N4BP1: variants seen among roughly 807,000 people sequenced by gnomAD.
N4BP1 encodes NEDD4-binding protein 1.
A neutral mutation model predicts 70.9 loss-of-function variants in N4BP1; 21 were observed. That is an observed-to-expected ratio of 0.30 (90% CI 0.21 to 0.43). The LOEUF is 0.43. Ranked by LOEUF, N4BP1 falls within the 20% of genes least tolerant of loss-of-function variation. N4BP1 has a pLI of 1.00. For missense variants in N4BP1, 936 were observed against 1,069.4 expected (o/e 0.88, Z 1.74); for synonymous variants, 387 against 394.6 (o/e 0.98, Z 0.23).
chr16:48,548,994 A>G (rs1282689589), intron 4 of N4BP1, among the ~76,000 whole-genome samples: 1 of 152,230 alleles, frequency 6.6e-6, no homozygotes, highest in East Asian at 1.9e-4. Context: ...ATGAAGCAGT[A>G]AAGAAGACTT....
In N4BP1 at chr16:48,562,034, C is replaced by A; in HGVS notation, c.609G>T (p.Glu203Asp). The A allele has an allele frequency of 1.2e-6, 2 of 1,613,854 alleles. No homozygotes were observed. The highest frequency in any genetic ancestry group is 1.7e-6 in the Non-Finnish European group (2 of 1,179,870). ...GTTGAGAATCTCTCATTTCAATAACCTCATCATCTCCTGTTTCAAAGAGAT... is the reference window on the plus strand; with the variant it reads ...GTTGAGAATCTCTCATTTCAATAACATCATCATCTCCTGTTTCAAAGAGAT... ...EENLFETGDD[E>D]VIEMRDSQQT... The change falls in exon 2 of 7, where the codon GAG (glutamate) becomes GAT (aspartate). Residue 203 changes from glutamate to aspartate, a missense_variant. Coordinates refer to ENST00000262384, the MANE Select transcript of N4BP1 (RefSeq NM_153029.4).
At chr16:48,594,019 C>CAAAAAAAAAAAAAAAA (rs77597704) in intron 1 of N4BP1, among the ~76,000 whole-genome samples, 1 of 95,094 alleles carries the variant, frequency 1.1e-5, no homozygotes, top group African/African-American at 4.9e-5. Flanking sequence ...AAAAAAAAAA[C>CAAAAAAAAAAAAAAAA]AAAAAAAAAA....
intron 1 of N4BP1, among the ~76,000 whole-genome samples, chr16:48,571,951 C>A (rs1023809559): frequency 1.3e-5 from 2 of 152,194 alleles, no homozygotes; most frequent in African/African-American, 4.8e-5. Context: ...CTAATCCCAT[C>A]ACTTTTGGAG....
At chr16:48,551,508 C>T (rs1323684450) in intron 3 of N4BP1, 26 bp from the exon 4 acceptor site, 1 of 1,521,478 alleles carries the variant, frequency 6.6e-7, no homozygotes, top group South Asian at 1.2e-5. Context: ...GTTGAATATA[C>T]ATTCAGAAAA....
At chr16:48,605,119 G>A (rs866742548) in intron 1 of N4BP1, among the ~76,000 whole-genome samples, 2 of 151,466 alleles carry the variant, frequency 1.3e-5, no homozygotes, top group Admixed American at 6.6e-5. Flanking sequence ...CGCAACCTCC[G>A]CTTCCCTGGT....
intron 1 of N4BP1, among the ~76,000 whole-genome samples, chr16:48,599,335 G>C (rs1197090009): frequency 1.3e-5 from 2 of 152,142 alleles, no homozygotes; most frequent in African/African-American, 4.8e-5. Context: ...GAGCTAATGG[G>C]GGCATGGTTG....
rs76298108 is a variant in N4BP1 at position 48,606,827 on chromosome 16, C to T, written c.198+2948G>A. Among the ~76,000 whole-genome samples the T allele has an allele frequency of 2.7e-4, 41 of 152,306 alleles. No individual in the cohort carries two copies. In the East Asian group the frequency reaches 7.7e-3, roughly 29 times the overall value. On this transcript the variant is annotated intron_variant, in intron 1 of 6. Coordinates refer to ENST00000262384, the MANE Select transcript of N4BP1 (RefSeq NM_153029.4). ...ACAGTTCATCTTATCTTATTTTGAG[C>T]AGAGACACTATAGTTGAAAAACTCT...
chr16:48,560,735 C>T lies in N4BP1; in HGVS notation c.1889+19G>A. On this transcript the variant is annotated intron_variant, in intron 2 of 6. Transcript: ENST00000262384. ...AGAGCCCTATTTAAAATAAAATAATCTGCAGAGAATGGACTTACGTAATTG... is the reference window on the plus strand; with the variant it reads ...AGAGCCCTATTTAAAATAAAATAATTTGCAGAGAATGGACTTACGTAATTG... 1.3e-6 allele frequency: 2 copies of T among 1,569,342 alleles called. No homozygotes were observed. The highest frequency in any genetic ancestry group is 1.2e-5 in the South Asian group (1 of 82,726).
chr16:48,569,850 T>A (rs915911827), intron 1 of N4BP1, among the ~76,000 whole-genome samples: 1 of 152,182 alleles, frequency 6.6e-6, no homozygotes, highest in African/African-American at 2.4e-5. Flanking sequence ...GCCAAGGGGA[T>A]CATGAACAAC....
rs1298944709 is a variant in N4BP1, at chr16:48,539,140, G to A, written c.*3764C>T. 6.6e-6 allele frequency: 1 copy of A among 152,336 alleles called. No individual in the cohort carries two copies. The highest frequency in any genetic ancestry group is 1.5e-5 in the Non-Finnish European group (1 of 68,122). 9.4% of individuals were successfully genotyped at this position (152,336 alleles called of 1,614,324 possible). On this transcript the variant is annotated 3_prime_UTR_variant, in exon 7 of 7. Coordinates refer to ENST00000262384, the MANE Select transcript of N4BP1 (RefSeq NM_153029.4). ...GGAGGTGGACAGCCACGGACACTAAGCTCAGGAGATGTGAACTTTGTGGTC... is the reference window on the plus strand; with the variant it reads ...GGAGGTGGACAGCCACGGACACTAAACTCAGGAGATGTGAACTTTGTGGTC...
At chr16:48,565,748 C>T (rs975118190) in intron 1 of N4BP1, among the ~76,000 whole-genome samples, 4 of 152,132 alleles carry the variant, frequency 2.6e-5, no homozygotes, top group Non-Finnish European at 4.4e-5. Flanking sequence ...AGTGAAACAA[C>T]CTGGGCCTGG....
intron 1 of N4BP1, among the ~76,000 whole-genome samples, chr16:48,583,677 AAAAT>A (rs1367355976): frequency 1.3e-5 from 2 of 152,260 alleles, no homozygotes; most frequent in African/African-American, 2.4e-5. Context: ...GTCAATTTAA[AAAAT>A]AAATAAATTT....
chr16:48,549,274 C>T (rs954674731), intron 4 of N4BP1, among the ~76,000 whole-genome samples: 1 of 152,134 alleles, frequency 6.6e-6, no homozygotes, highest in African/African-American at 2.4e-5. Flanking sequence ...AGTTCTTTGG[C>T]TTTATTAAAT....
intron 1 of N4BP1, chr16:48,577,709 G>C (rs914382819): frequency 5.1e-6 from 1 of 196,972 alleles, no homozygotes; most frequent in Non-Finnish European, 1.1e-5. Context: ...AAGTTGCCCA[G>C]GGTGGCAGTG....
In N4BP1 at chr16:48,541,072, C is replaced by G; in HGVS notation, c.*1832G>C. ...GCTTCTAGCCAGGAAAAGTGGTGGC[C>G]CCCTCAGCCTAGCCAGCACCAACCA... On this transcript the variant is annotated 3_prime_UTR_variant, in exon 7 of 7. Coordinates refer to ENST00000262384, the MANE Select transcript of N4BP1 (RefSeq NM_153029.4). The G allele has an allele frequency of 6.6e-6, 1 of 152,192 alleles. No individual in the cohort carries two copies. The highest frequency in any genetic ancestry group is 2.1e-4 in the South Asian group (1 of 4,818). 9.4% of individuals were successfully genotyped at this position (152,192 alleles called of 1,614,324 possible). A position where few individuals can be genotyped will look rare whatever the true frequency, so the allele number is the denominator to read the frequency against.
chr16:48,609,726 C>G, intron 1 of N4BP1, 49 bp downstream of exon 1: 2 of 1,292,142 alleles, frequency 1.5e-6, no homozygotes, highest in Non-Finnish European at 2.0e-6. Flanking sequence ...AGCCCGGAGA[C>G]CCGGACCGAT....
At chr16:48,607,433 G>A (rs1190065573) in intron 1 of N4BP1, among the ~76,000 whole-genome samples, 3 of 152,212 alleles carry the variant, frequency 2.0e-5, no homozygotes, top group Non-Finnish European at 2.9e-5. Context: ...TGGATTAATC[G>A]TTTTGTAAGT....
At chr16:48,596,790 C>T (rs1964420350) in intron 1 of N4BP1, among the ~76,000 whole-genome samples, 1 of 152,190 alleles carries the variant, frequency 6.6e-6, no homozygotes, top group African/African-American at 2.4e-5. Context: ...TCTGCCTTTA[C>T]AGGACTAACA....
intron 1 of N4BP1, among the ~76,000 whole-genome samples, chr16:48,592,446 T>C (rs1176464938): frequency 6.6e-6 from 1 of 152,080 alleles, no homozygotes; most frequent in Admixed American, 6.5e-5. Flanking sequence ...CCTAGCCTTG[T>C]TTCGTGAAGG....
Sources: gnomAD v4.1 joint callset for allele counts (sites outside exome capture counted in the v4.1 genomes callset) on GRCh38, gnomAD v4.1.1 for gene constraint, MANE v1.5 for transcripts, NCBI Gene and HGNC (gene_info 2026-07-23, HGNC 2026-07-21) for gene names.